The following ATP1A4 variants were observed in gnomAD, a reference collection of about 807,000 sequenced individuals.
ATP1A4 encodes the protein ATPase Na+/K+ transporting subunit alpha 4.
ATP1A4 carries 90 observed loss-of-function variants against 114.3 expected under a neutral mutation model. The ratio of observed to expected loss-of-function variants is 0.79; its 90% CI spans 0.66 to 0.94. ATP1A4 has a LOEUF of 0.94. ATP1A4 is among the 40% of genes least tolerant of loss of function. The pLI, the probability that ATP1A4 is intolerant of heterozygous loss-of-function variation, is 0.00. For missense variants in ATP1A4, 1,222 were observed against 1,313.6 expected (o/e 0.93, Z 1.08); for synonymous variants, 511 against 494.1 (o/e 1.03, Z -0.45).
intron 2 of ATP1A4, 150 bp from the exon 3 acceptor site, chr1:160,154,895 A>G (rs895650220): frequency 1.7e-5 from 12 of 708,440 alleles, no homozygotes; most frequent in Non-Finnish European, 2.6e-5. Context: ...TTGAAACCTC[A>G]CCTTATCCAG....
intron 1 of ATP1A4, 140 bp from the exon 2 acceptor site, chr1:160,153,019 ACTCCAT>A: frequency 1.6e-6 from 1 of 642,404 alleles, no homozygotes; most frequent in Middle Eastern, 2.9e-4. Context: ...CAACAGAGTG[ACTCCAT>A]CTCAAAAAAA....
At chr1:160,186,550 T>G (rs1653902519) in intron 21 of ATP1A4, 121 bp from the exon 22 acceptor site, 3 of 1,215,374 alleles carry the variant, frequency 2.5e-6, no homozygotes, top group Non-Finnish European at 3.6e-6. Context: ...CATCTGACCC[T>G]CAGTGCCCTG....
At chr1:160,175,999 C>A in intron 15 of ATP1A4, 93 bp from the exon 16 acceptor site, 2 of 1,322,048 alleles carry the variant, frequency 1.5e-6, no homozygotes, top group Non-Finnish European at 2.2e-6. Context: ...TGGACTGTGA[C>A]ACTTCTTTGA....
rs768556159 is a variant in ATP1A4, at chr1:160,166,704, C to T, written c.1224C>T (p.Ala408=). The T allele has an allele frequency of 1.7e-5, 27 of 1,613,956 alleles. No homozygotes were observed. Among genetic ancestry groups the T allele is most frequent in the Admixed American group, 1.0e-4 (6 of 59,996 alleles). ...GGTTTGATATGACCGTGTATGAGGCCGACACCACTGAAGAACAGACTGGTG... is the reference window on the plus strand; with the variant it reads ...GGTTTGATATGACCGTGTATGAGGCTGACACCACTGAAGAACAGACTGGTG... ...HMWFDMTVYE[A]DTTEEQTGKT... The change falls in exon 8 of 22, where the codon GCC becomes GCT. Residue 408 remains alanine (A), a synonymous_variant. Transcript: ENST00000368081.
In ATP1A4 at chr1:160,176,158, T is replaced by C. The variant is rs750256709; in HGVS notation, c.2378T>C (p.Ile793Thr). 1.9e-6 allele frequency: 3 copies of C among 1,614,058 alleles called. No homozygotes were observed. Among genetic ancestry groups the C allele is most frequent in the Middle Eastern group, 3.3e-4 (2 of 6,062 alleles). ...ACCCTGACCAGCAACATCCCCGAGA[T>C]CACGCCCTTCCTGATGTTCATCATC... Reference protein sequence around the residue: ...MYTLTSNIPEITPFLMFIILG... With the variant: ...MYTLTSNIPETTPFLMFIILG... Residue 793 changes from isoleucine (I) to threonine (T), a missense_variant, in exon 16 of 22, where the codon ATC (isoleucine) becomes ACC (threonine). Transcript: ENST00000368081.
chr1:160,175,508 G>A (rs911228), intron 15 of ATP1A4, among the ~76,000 whole-genome samples: 114,756 of 151,700 alleles, frequency 0.76, 43,904 homozygotes, highest in East Asian at 0.88. Flanking sequence ...CCCTGCCCTC[G>A]TGTAACTTAA....
chr1:160,174,464 A>G, intron 14 of ATP1A4, 115 bp from the exon 15 acceptor site: 1 of 1,487,918 alleles, frequency 6.7e-7, no homozygotes, highest in East Asian at 2.4e-5. Flanking sequence ...CGGGAGCCCT[A>G]AATCAAGCAT....
At position 160,152,002 on chromosome 1, in the gene ATP1A4, C is replaced by T. The variant is rs1338343038; in HGVS notation, c.-39C>T. 2 of 1,589,710 alleles carry T rather than the reference C, an allele frequency of 1.3e-6. No individual in the cohort carries two copies. The highest frequency in any genetic ancestry group is 1.7e-6 in the Non-Finnish European group (2 of 1,169,164). On this transcript the variant is annotated 5_prime_UTR_variant, in exon 1 of 22. Transcript: ENST00000368081. The stretch of plus-strand genomic sequence containing the variant: ...CTTGCCTCACTCTCTCAGCTTTCTT[C>T]CCACAGTTGAGCTCGGGCAGCTCTT...
chr1:160,177,364 C>A, intron 17 of ATP1A4, 155 bp from the exon 18 acceptor site: 1 of 676,218 alleles, frequency 1.5e-6, no homozygotes, highest in Non-Finnish European at 2.5e-6. Context: ...AGATAACAGG[C>A]TTAGGCAGCT....
intron 12 of ATP1A4, 51 bp downstream of exon 12, chr1:160,171,808 T>C: frequency 1.9e-6 from 3 of 1,588,750 alleles, no homozygotes; most frequent in Non-Finnish European, 1.7e-6. Context: ...AGTTGAAGCA[T>C]CTACTAGAAG....
chr1:160,185,267 C>T (rs1470851893), intron 20 of ATP1A4, among the ~76,000 whole-genome samples: 2 of 152,118 alleles, frequency 1.3e-5, no homozygotes, highest in African/African-American at 2.4e-5. Flanking sequence ...CGCATGCCAC[C>T]ATGCCCCGCT....
chr1:160,163,533 C>G (rs1339235757), intron 6 of ATP1A4, among the ~76,000 whole-genome samples: 1 of 152,134 alleles, frequency 6.6e-6, no homozygotes, highest in Non-Finnish European at 1.5e-5. Flanking sequence ...TACAAGGATA[C>G]AGATGAGCAG....
At position 160,178,865 on chromosome 1, in the gene ATP1A4, G is replaced by C. The variant is rs553665320; in HGVS notation, c.2736+1201G>C. Among the ~76,000 whole-genome samples the C allele has an allele frequency of 8.5e-5, 13 of 152,132 alleles. No homozygotes were observed. In the South Asian group the frequency reaches 2.7e-3, roughly 32 times the overall value. ...AGAATTTTAGTAGGTATGCTTTTTT[G>C]GTATCTGTGATACTCCTGTCCCAAT... is the stretch of plus-strand genomic sequence containing the variant. On this transcript the variant is annotated intron_variant, in intron 18 of 21. Coordinates refer to ENST00000368081, the MANE Select transcript of ATP1A4 (RefSeq NM_144699.4).
chr1:160,182,274 G>A (rs1449432026), intron 20 of ATP1A4, among the ~76,000 whole-genome samples: 1 of 152,194 alleles, frequency 6.6e-6, no homozygotes, highest in Admixed American at 6.5e-5. Context: ...AGACTTACCA[G>A]TGTTTAACAG....
At chr1:160,162,331 G>A (rs902392625) in intron 6 of ATP1A4, among the ~76,000 whole-genome samples, 2 of 152,210 alleles carry the variant, frequency 1.3e-5, no homozygotes, top group Non-Finnish European at 2.9e-5. Context: ...ATTTCAAGGT[G>A]AGTGGCCTGC....
Position 160,152,051 on chromosome 1 carries a change from G to C in ATP1A4, c.11G>C (p.Trp4Ser), listed in dbSNP as rs1652473525. The part of the protein sequence containing the change: MGL[W>S]GKKGTVAPHD... ...TTTCTGGGGATAGCTATGGGGCTTT[G>C]GGGGAAGAAAGGGACAGTGGCTCCC... Residue 4 changes from tryptophan (W) to serine (S), a missense_variant, in exon 1 of 22, where the codon TGG becomes TCG. Physicochemically the swap from Trp to Ser is radical, Grantham distance 177 (BLOSUM62 -3). Coordinates refer to ENST00000368081, the MANE Select transcript of ATP1A4 (RefSeq NM_144699.4). The C allele has an allele frequency of 6.2e-7, 1 of 1,613,210 alleles. No individual in the cohort carries two copies. Among genetic ancestry groups the C allele is most frequent in the Non-Finnish European group, 8.5e-7 (1 of 1,179,706 alleles).
chr1:160,167,407 T>A lies in ATP1A4; in HGVS notation c.1486T>A (p.Tyr496Asn). The change falls in exon 10 of 22, where the codon TAC (tyrosine) becomes AAC (asparagine). Residue 496 changes from tyrosine to asparagine, a missense_variant. By Grantham distance (143) the Tyr-to-Asn change is moderately radical. Coordinates refer to ENST00000368081, the MANE Select transcript of ATP1A4 (RefSeq NM_144699.4). ...AEIPFNSTNK[Y>N]QMSIHLREDS... ...GATTCCCTTTAATTCTACCAACAAGTACCAGGTACAGAACCCACAAAGGTA... is the reference window on the plus strand; with the variant it reads ...GATTCCCTTTAATTCTACCAACAAGAACCAGGTACAGAACCCACAAAGGTA... 2 of 1,612,228 alleles carry A rather than the reference T, an allele frequency of 1.2e-6. No individual in the cohort carries two copies. Among genetic ancestry groups the A allele is most frequent in the East Asian group, 2.2e-5 (1 of 44,870 alleles).
At position 160,177,601 on chromosome 1, in the gene ATP1A4, C is replaced by G; in HGVS notation, c.2673C>G (p.Gly891=). ...ENGFRPVDLL[G]IRLHWEDKYL... Reference sequence around the variant, plus strand: ...GTTTTAGGCCTGTTGATCTGCTGGGCATCCGCCTCCACTGGGAAGATAAAT... The same window carrying G: ...GTTTTAGGCCTGTTGATCTGCTGGGGATCCGCCTCCACTGGGAAGATAAAT... Residue 891 remains glycine, a synonymous_variant, in exon 18 of 22, where the codon GGC becomes GGG. Coordinates refer to ENST00000368081, the MANE Select transcript of ATP1A4 (RefSeq NM_144699.4). 4 of 1,614,208 alleles carry G rather than the reference C, an allele frequency of 2.5e-6. No homozygotes were observed. Among genetic ancestry groups the G allele is most frequent in the Non-Finnish European group, 3.4e-6 (4 of 1,180,042 alleles).
In ATP1A4 at chr1:160,164,324, C is replaced by T. The variant is rs139847892; in HGVS notation, c.947C>T (p.Ala316Val). The T allele has an allele frequency of 7.2e-4, 1,156 of 1,613,962 alleles. 6 individuals carry two copies. The highest frequency in any genetic ancestry group is 2.3e-4 in the Non-Finnish European group (270 of 1,179,998). Residue 316 changes from alanine (A) to valine (V), a missense_variant, in exon 7 of 22, where the codon GCG (alanine) becomes GTG (valine). Ala to Val is a moderately conservative substitution (Grantham distance 64). Coordinates refer to ENST00000368081, the MANE Select transcript of ATP1A4 (RefSeq NM_144699.4). ...GTCTTCCTTGGTGTCACTTTTTTTG[C>T]GCTCTCACTTCTCTTGGGCTATGGT... ...VAVFLGVTFF[A>V]LSLLLGYGWL...
Sources: allele counts gnomAD v4.1 joint callset (sites outside exome capture counted in the v4.1 genomes callset), GRCh38; gene constraint gnomAD v4.1.1; transcripts MANE v1.5; gene names NCBI Gene and HGNC (gene_info 2026-07-23, HGNC 2026-07-21).